PTPRO: variants seen among roughly 807,000 people sequenced by gnomAD.
The protein encoded by PTPRO is protein tyrosine phosphatase receptor type O.
Under a neutral mutation model 145.2 loss-of-function variants are expected in PTPRO, and 62 were observed. That is an observed-to-expected ratio of 0.43 (90% confidence interval 0.35 to 0.53). PTPRO has a LOEUF of 0.53. Among genes scored for constraint, PTPRO ranks in the 20% least tolerant of loss-of-function variants. The pLI, the probability that PTPRO is intolerant of heterozygous loss-of-function variation, is 0.01. For synonymous variants in PTPRO, 565 were observed against 514.7 expected, an observed-to-expected ratio of 1.10 and a Z score of -1.32; for missense variants, 1,345 against 1,482.7, an observed-to-expected ratio of 0.91 and a Z score of 1.53.
chr12:15,511,164 C>G (rs977952003), intron 7 of PTPRO, among the ~76,000 whole-genome samples: 7 of 152,114 alleles, frequency 4.6e-5, no homozygotes, highest in African/African-American at 1.7e-4. Flanking sequence ...AAGATTAAGA[C>G]AGTCAGGAAA....
At chr12:15,584,424 T>C (rs78234803) in intron 23 of PTPRO, among the ~76,000 whole-genome samples, 4,762 of 152,268 alleles carry the variant, frequency 0.031, 254 homozygotes, top group African/African-American at 0.1. Context: ...GAGCACAAAA[T>C]AGGGTCTGTT....
intron 1 of PTPRO, among the ~76,000 whole-genome samples, chr12:15,427,636 A>C (rs937334077): frequency 1.3e-5 from 2 of 151,770 alleles, no homozygotes; most frequent in Non-Finnish European, 2.9e-5. Flanking sequence ...TAATATTCTT[A>C]ATTTTAAATT....
At chr12:15,493,062 G>A (rs1450278451) in intron 2 of PTPRO, among the ~76,000 whole-genome samples, 1 of 152,048 alleles carries the variant, frequency 6.6e-6, no homozygotes, top group East Asian at 1.9e-4. Context: ...TACTAAGGCT[G>A]AATGAAAATA....
intron 1 of PTPRO, among the ~76,000 whole-genome samples, chr12:15,434,698 A>G (rs993860241): frequency 6.6e-5 from 10 of 152,196 alleles, no homozygotes; most frequent in Admixed American, 5.9e-4. Flanking sequence ...ATGTTTCTCA[A>G]AAACTACTAA....
At chr12:15,488,379 G>A (rs1334579077) in intron 2 of PTPRO, among the ~76,000 whole-genome samples, 1 of 152,174 alleles carries the variant, frequency 6.6e-6, no homozygotes, top group African/African-American at 2.4e-5. Flanking sequence ...GGCATTTGGT[G>A]ACATTTGGGT....
At chr12:15,522,247 CT>C (rs10712852) in intron 10 of PTPRO, among the ~76,000 whole-genome samples, 44,467 of 143,298 alleles carry the variant, frequency 0.31, 7,632 homozygotes, top group African/African-American at 0.49. Context: ...TTTTAACCTT[CT>C]TTTTTTTTTT....
intron 1 of PTPRO, among the ~76,000 whole-genome samples, chr12:15,409,381 A>G (rs1819504694): frequency 6.6e-6 from 1 of 152,200 alleles, no homozygotes; most frequent in South Asian, 2.1e-4. Flanking sequence ...AAAACAGCAT[A>G]AGCCAAGATA....
rs537655590 is a variant in PTPRO, at chr12:15,548,098, C to T, written c.2305-996C>T. 2.0e-5 allele frequency among the ~76,000 whole-genome samples: 3 copies of T among 151,990 alleles called. No homozygotes were observed. The South Asian group carries it at 6.2e-4, about 32-fold the overall frequency. ...AGTGTCCTTAATATATAAAGAATTG[C>T]TACAAGTCAAAAAAGGTAAAGGTCA... On this transcript the variant is annotated intron_variant, in intron 13 of 26. Transcript: ENST00000281171.
intron 1 of PTPRO, among the ~76,000 whole-genome samples, chr12:15,452,915 T>A (rs1056344093): frequency 5.9e-5 from 9 of 152,062 alleles, no homozygotes; most frequent in African/African-American, 2.2e-4. Flanking sequence ...TGGAAAAAAA[T>A]CTCATTTATT....
chr12:15,376,814 T>C (rs1001110337), intron 1 of PTPRO, among the ~76,000 whole-genome samples: 2 of 152,188 alleles, frequency 1.3e-5, no homozygotes, highest in Admixed American at 1.3e-4. Flanking sequence ...TCTCATAACC[T>C]AATCACCTCC....
intron 1 of PTPRO, among the ~76,000 whole-genome samples, chr12:15,325,761 A>G (rs1431993855): frequency 2.0e-5 from 3 of 152,206 alleles, no homozygotes; most frequent in African/African-American, 4.8e-5. Flanking sequence ...TTTACTCAGT[A>G]TAAGTACTTT....
chr12:15,396,063 T>C (rs1939330345), intron 1 of PTPRO, among the ~76,000 whole-genome samples: 2 of 152,346 alleles, frequency 1.3e-5, no homozygotes, highest in Admixed American at 1.3e-4. Flanking sequence ...GTGTGTGTAG[T>C]ACACTGTTTT....
intron 1 of PTPRO, among the ~76,000 whole-genome samples, chr12:15,476,136 T>C (rs1941648192): frequency 1.3e-5 from 2 of 151,908 alleles, no homozygotes; most frequent in African/African-American, 4.8e-5. Flanking sequence ...TTGATTGGGG[T>C]CTAATTTGTT....
chr12:15,433,581 C>T (rs950213157), intron 1 of PTPRO, among the ~76,000 whole-genome samples: 2 of 152,168 alleles, frequency 1.3e-5, no homozygotes, highest in Admixed American at 1.3e-4. Context: ...ATATGGCTAG[C>T]CAGTTATTCC....
chr12:15,435,288 A>G (rs189180142), intron 1 of PTPRO, among the ~76,000 whole-genome samples: 1 of 152,334 alleles, frequency 6.6e-6, no homozygotes, highest in Admixed American at 6.5e-5. Flanking sequence ...ATTTTATACT[A>G]TTTGGCATAG....
chr12:15,329,105 A>G (rs1315445180), intron 1 of PTPRO, among the ~76,000 whole-genome samples: 1 of 152,218 alleles, frequency 6.6e-6, no homozygotes, highest in Non-Finnish European at 1.5e-5. Flanking sequence ...GGGTGAGGAA[A>G]GGCGTCATAT....
At chr12:15,527,875 A>ACCCCCCCCCCCCCCCCCCCCCCCC (rs1555173370) in intron 12 of PTPRO, among the ~76,000 whole-genome samples, 6 of 137,746 alleles carry the variant, frequency 4.4e-5, no homozygotes, top group African/African-American at 1.4e-4. Context: ...GGGAACTGTG[A>ACCCCCCCCCCCCCCCCCCCCCCCC]CCCGCCCACG....
At chr12:15,372,664 A>G (rs1185572806) in intron 1 of PTPRO, among the ~76,000 whole-genome samples, 1 of 152,210 alleles carries the variant, frequency 6.6e-6, no homozygotes, top group East Asian at 1.9e-4. Context: ...AATACCACGC[A>G]AGACATTGCC....
chr12:15,392,966 G>A (rs1010411724), intron 1 of PTPRO, among the ~76,000 whole-genome samples: 24 of 152,078 alleles, frequency 1.6e-4, no homozygotes, highest in Admixed American at 1.3e-3. Flanking sequence ...ACACTTTGTG[G>A]TCACTTTCAT....
Sources: allele counts gnomAD v4.1 joint callset (sites outside exome capture counted in the v4.1 genomes callset), GRCh38; gene constraint gnomAD v4.1.1; transcripts MANE v1.5; gene names NCBI Gene and HGNC (gene_info 2026-07-23, HGNC 2026-07-21).